The following CADPS variants were observed in gnomAD, a reference collection of about 807,000 sequenced individuals.
CADPS encodes the protein calcium dependent secretion activator.
A neutral mutation model predicts 167.3 loss-of-function variants in CADPS; 57 were observed. The observed-to-expected ratio is 0.34, with a 90% confidence interval of 0.28 to 0.42. The LOEUF (loss-of-function observed/expected upper bound fraction) is 0.42, where lower values mean the gene tolerates loss of function less well. CADPS is among the 20% of genes least tolerant of loss of function. The pLI is 1.00. For missense variants in CADPS, 1,414 were observed against 1,738.1 expected, an observed-to-expected ratio of 0.81 and a Z score of 3.32; for synonymous variants, 676 against 635.3, an observed-to-expected ratio of 1.06 and a Z score of -0.96.
At chr3:62,404,255 T>C (rs772731474) in intron 28 of CADPS, 2 of 152,524 alleles carry the variant, frequency 1.3e-5, no homozygotes, top group Admixed American at 6.5e-5. Context: ...GGTTAGAGAA[T>C]TGAGATGATG....
At chr3:62,562,208 T>C (rs902309829) in intron 9 of CADPS, among the ~76,000 whole-genome samples, 1 of 152,188 alleles carries the variant, frequency 6.6e-6, no homozygotes, top group Non-Finnish European at 1.5e-5. Context: ...ATTTTTATGG[T>C]GTGAATCACA....
intron 3 of CADPS, among the ~76,000 whole-genome samples, chr3:62,735,123 A>T (rs986195352): frequency 6.6e-6 from 1 of 152,200 alleles, no homozygotes; most frequent in Non-Finnish European, 1.5e-5. Flanking sequence ...TACTTATTTC[A>T]TTAAGTAAAT....
chr3:62,578,034 T>G (rs1553938367), intron 8 of CADPS, among the ~76,000 whole-genome samples: 1 of 151,928 alleles, frequency 6.6e-6, no homozygotes, highest in Non-Finnish European at 1.5e-5. Context: ...TAAATGCAAA[T>G]AGGCTAAATA....
chr3:62,525,919 G>C (rs1292914499), intron 13 of CADPS, among the ~76,000 whole-genome samples: 1 of 152,142 alleles, frequency 6.6e-6, no homozygotes, highest in Non-Finnish European at 1.5e-5. Context: ...GTCCAGAGGA[G>C]AGAAGATAGA....
intron 3 of CADPS, among the ~76,000 whole-genome samples, chr3:62,712,360 G>C (rs569431596): frequency 3.9e-5 from 6 of 152,236 alleles, no homozygotes; most frequent in African/African-American, 1.4e-4. Flanking sequence ...TGCTAACACG[G>C]ATATTGGTAG....
intron 7 of CADPS, among the ~76,000 whole-genome samples, chr3:62,589,768 T>G (rs2085504233): frequency 6.6e-6 from 1 of 152,162 alleles, no homozygotes; most frequent in Non-Finnish European, 1.5e-5. Flanking sequence ...TTCTCATCTA[T>G]AAAACAAAGG....
intron 24 of CADPS, 29 bp downstream of exon 24, chr3:62,474,144 A>C (rs76824303): frequency 0.18 from 128,944 of 728,796 alleles, 12,412 homozygotes; most frequent in South Asian, 0.2. Context: ...GAGGGAAAAA[A>C]AAATCTGTAT....
At chr3:62,442,506 G>A (rs1317858836) in intron 27 of CADPS, among the ~76,000 whole-genome samples, 1 of 152,118 alleles carries the variant, frequency 6.6e-6, no homozygotes, top group Non-Finnish European at 1.5e-5. Flanking sequence ...GGCGTGAGCT[G>A]CTTCGCCCGG....
At chr3:62,673,580 G>T (rs146546812) in intron 3 of CADPS, among the ~76,000 whole-genome samples, 103 of 152,248 alleles carry the variant, frequency 6.8e-4, no homozygotes, top group African/African-American at 2.5e-3. Flanking sequence ...GTGAGAGCAG[G>T]ATAAATACAT....
intron 27 of CADPS, chr3:62,440,367 C>T (rs542096163): frequency 3.3e-5 from 5 of 152,244 alleles, no homozygotes; most frequent in Admixed American, 2.6e-4. Context: ...GTTATGCTAT[C>T]TATAAAATGG....
At chr3:62,422,854 T>C (rs981763802) in intron 28 of CADPS, among the ~76,000 whole-genome samples, 1 of 152,216 alleles carries the variant, frequency 6.6e-6, no homozygotes, top group African/African-American at 2.4e-5. Flanking sequence ...TTGGAAAATC[T>C]TGAGCATTGT....
Position 62,465,350 on chromosome 3 carries a change from A to G in CADPS, c.3636+17T>C. On this transcript the variant is annotated intron_variant, in intron 26 of 29. Coordinates refer to ENST00000383710, the MANE Select transcript of CADPS (RefSeq NM_003716.4). The surrounding 1 kb of genome is among the most constrained non-coding windows in gnomAD (Gnocchi z 4.1). ...AATTAAAACAAAAGCCAGGAAATAA[A>G]GAAGCTCTTTACTTACGGTAAATGA... 3 of 1,562,144 alleles carry G rather than the reference A, an allele frequency of 1.9e-6. No individual in the cohort carries two copies. The highest frequency in any genetic ancestry group is 2.8e-5 in the African/African-American group (2 of 72,588).
intron 26 of CADPS, among the ~76,000 whole-genome samples, chr3:62,464,091 C>A (rs2059674716): frequency 6.6e-6 from 1 of 152,144 alleles, no homozygotes; most frequent in Admixed American, 6.5e-5. Flanking sequence ...TTATTGAACT[C>A]TATTATGAGC....
chr3:62,781,176 C>T (rs1013373629), intron 1 of CADPS, among the ~76,000 whole-genome samples: 3 of 152,070 alleles, frequency 2.0e-5, no homozygotes, highest in Non-Finnish European at 4.4e-5. Context: ...TAAAACATAA[C>T]CAGGAGACTT....
intron 13 of CADPS, among the ~76,000 whole-genome samples, chr3:62,518,996 T>C (rs2069725115): frequency 6.6e-6 from 1 of 152,220 alleles, no homozygotes; most frequent in Admixed American, 6.5e-5. Context: ...TTGATCATCA[T>C]ATTCTCATGG....
intron 2 of CADPS, among the ~76,000 whole-genome samples, chr3:62,764,095 T>G (rs561721105): frequency 6.6e-6 from 1 of 152,314 alleles, no homozygotes; most frequent in South Asian, 2.1e-4. Flanking sequence ...ACCTATAAAT[T>G]TATAAACTCT....
chr3:62,863,303 T>C (rs1005393092), intron 1 of CADPS, among the ~76,000 whole-genome samples: 2 of 152,226 alleles, frequency 1.3e-5, no homozygotes, highest in Non-Finnish European at 2.9e-5. Context: ...ATTTCTTATC[T>C]GCTTTTCCTC....
intron 3 of CADPS, among the ~76,000 whole-genome samples, chr3:62,685,861 G>A (rs2151144400): frequency 6.6e-6 from 1 of 152,212 alleles, no homozygotes; most frequent in African/African-American, 2.4e-5. Flanking sequence ...ACAGGAGGTG[G>A]AGCTCAGGCA....
At chr3:62,780,932 G>A (rs1433097813) in intron 1 of CADPS, among the ~76,000 whole-genome samples, 3 of 152,102 alleles carry the variant, frequency 2.0e-5, no homozygotes, top group South Asian at 2.1e-4. Flanking sequence ...TTATCATAGG[G>A]CTTGGCAGTA....
Sources: gnomAD v4.1 joint callset for allele counts (sites outside exome capture counted in the v4.1 genomes callset) on GRCh38, gnomAD v4.1.1 for gene constraint, Gnocchi (gnomAD v3.1) non-coding constraint, MANE v1.5 for transcripts, NCBI Gene and HGNC (gene_info 2026-07-23, HGNC 2026-07-21) for gene names.